Variants in ODAD2 observed in about 807,000 individuals in gnomAD.
ODAD2 encodes the protein outer dynein arm-docking complex subunit 2.
In ODAD2, 89 loss-of-function variants were observed where a neutral mutation model predicts 106.8. The observed-to-expected ratio is 0.83, with a 90% CI of 0.70 to 0.99. ODAD2 has a LOEUF of 0.99. Ranked by LOEUF, ODAD2 falls within the 50% of genes least tolerant of loss-of-function variation. The pLI is 0.00. For synonymous variants in ODAD2, 404 were observed against 436.2 expected (o/e 0.93, Z 0.92); for missense variants, 1,168 against 1,238.5 (o/e 0.94, Z 0.85).
At chr10:27,997,976 C>T (rs1850656119) in intron 1 of ODAD2, among the ~76,000 whole-genome samples, 1 of 152,196 alleles carries the variant, frequency 6.6e-6, no homozygotes, top group Admixed American at 6.5e-5. Context: ...CTGGGAATCA[C>T]TTAGCACTCA....
intron 17 of ODAD2, among the ~76,000 whole-genome samples, chr10:27,881,672 C>T (rs1841718674): frequency 1.3e-5 from 2 of 151,992 alleles, no homozygotes; most frequent in South Asian, 2.1e-4. Flanking sequence ...GGCAAAAATA[C>T]ATCCTTGACT....
In ODAD2 at chr10:27,828,258, C is replaced by A. The variant is rs1837219637; in HGVS notation, c.3022-15633G>T. 3.9e-5 allele frequency among the ~76,000 whole-genome samples: 6 copies of A among 152,302 alleles called. No individual in the cohort carries two copies. In the South Asian group the frequency reaches 1.2e-3, roughly 32 times the overall value. Reference sequence around the variant, plus strand: ...CAAGGAGGCTCTTGAGAGAATGCTACTTCCCTGATATGATGATTTCCCCAG... The same window carrying A: ...CAAGGAGGCTCTTGAGAGAATGCTAATTCCCTGATATGATGATTTCCCCAG... On this transcript the variant is annotated intron_variant, in intron 19 of 19. Transcript: ENST00000305242.
chr10:27,907,873 G>T (rs2133860540), intron 16 of ODAD2, 96 bp from the exon 17 acceptor site: 4 of 851,432 alleles, frequency 4.7e-6, no homozygotes, highest in South Asian at 1.8e-5. Context: ...TTCTCCTTTT[G>T]ATATTTTGCT....
chr10:27,985,358 C>T, intron 3 of ODAD2, 147 bp from the exon 4 acceptor site: 1 of 656,986 alleles, frequency 1.5e-6, no homozygotes, highest in Non-Finnish European at 2.5e-6. Context: ...TAGAATTCAT[C>T]TCTACGTCTG....
At chr10:27,845,628 A>G (rs1363219374) in intron 19 of ODAD2, among the ~76,000 whole-genome samples, 3 of 152,210 alleles carry the variant, frequency 2.0e-5, no homozygotes. Context: ...CAGACTGACA[A>G]ATTGGATGAA....
Position 27,940,587 on chromosome 10 carries a change from C to T in ODAD2, c.1962G>A (p.Gly654=). The change falls in exon 13 of 20, where the codon GGG becomes GGA. Residue 654 remains glycine (G), a synonymous_variant. Coordinates refer to ENST00000305242, the MANE Select transcript of ODAD2 (RefSeq NM_018076.5). ...CCTCTGATGCACACTCTTGCAATGT[C>T]CCCACCACTGGAATTAGCATGTTTT... ...SHENMLIPVV[G]TLQECASEEN... 2 of 1,614,084 alleles carry T rather than the reference C, an allele frequency of 1.2e-6. No homozygotes were observed. The highest frequency in any genetic ancestry group is 1.3e-5 in the African/African-American group (1 of 75,040).
intron 10 of ODAD2, among the ~76,000 whole-genome samples, chr10:27,959,177 G>C (rs1367102906): frequency 1.7e-5 from 2 of 115,278 alleles, no homozygotes; most frequent in African/African-American, 6.9e-5. Flanking sequence ...GAGAGGAGAG[G>C]GGAGGGGAGT....
intron 10 of ODAD2, among the ~76,000 whole-genome samples, chr10:27,946,547 T>C (rs1320412500): frequency 1.3e-5 from 2 of 152,214 alleles, no homozygotes; most frequent in Non-Finnish European, 2.9e-5. Context: ...TCCTCCCTTC[T>C]AGCTGTTTTG....
At position 27,824,008 on chromosome 10, in the gene ODAD2, C is replaced by T. The variant is rs950309902; in HGVS notation, c.3022-11383G>A. On this transcript the variant is annotated intron_variant, in intron 19 of 19. Coordinates refer to ENST00000305242, the MANE Select transcript of ODAD2 (RefSeq NM_018076.5). ...ACAAAAAATTAGCCGGGCGAGGTGG[C>T]GGGCGCCTGTAGTCCCAGCTACTCG... 4.4e-5 allele frequency among the ~76,000 whole-genome samples: 6 copies of T among 137,814 alleles called. 1 individual carries two copies. Among genetic ancestry groups the T allele is most frequent in the Non-Finnish European group, 9.0e-5 (6 of 66,696 alleles). The allele number at this position is 137,814 out of a possible 152,430, so 90.4% of individuals were successfully genotyped here. A position where few individuals can be genotyped will look rare whatever the true frequency, so the allele number is the denominator to read the frequency against.
chr10:27,996,304 T>C (rs537105170), intron 1 of ODAD2, among the ~76,000 whole-genome samples: 8 of 152,330 alleles, frequency 5.3e-5, no homozygotes, highest in Middle Eastern at 6.8e-3. Flanking sequence ...AGATTAGACT[T>C]GGAGATTTTA....
chr10:27,967,424 T>G lies in ODAD2; in HGVS notation c.1238+1499A>C, dbSNP rs1437562523. On this transcript the variant is annotated intron_variant, in intron 9 of 19. Transcript: ENST00000305242. ...TGTCCGGCTGGTATCAGCAGAGGCATAGGTGGAGCATGAACTCCCACTACC... is the reference window on the plus strand; with the variant it reads ...TGTCCGGCTGGTATCAGCAGAGGCAGAGGTGGAGCATGAACTCCCACTACC... Among the ~76,000 whole-genome samples the G allele has an allele frequency of 3.3e-5, 5 of 152,328 alleles. No individual in the cohort carries two copies. In the East Asian group the frequency reaches 9.6e-4, roughly 29 times the overall value.
intron 16 of ODAD2, 112 bp from the exon 17 acceptor site, chr10:27,907,889 T>A (rs1463329403): frequency 1.6e-5 from 3 of 185,462 alleles, no homozygotes; most frequent in South Asian, 1.4e-4. Flanking sequence ...TTGCTTAGAA[T>A]TTTTTTTTTT....
At chr10:27,928,359 T>C (rs1015218395) in intron 16 of ODAD2, among the ~76,000 whole-genome samples, 2 of 152,172 alleles carry the variant, frequency 1.3e-5, no homozygotes, top group African/African-American at 4.8e-5. Context: ...TATCGATTTC[T>C]CTATTTTTAT....
rs779015420 is a variant in ODAD2, at chr10:27,940,758, C to T, written c.1791G>A (p.Ser597=). Residue 597 remains serine (S), a synonymous_variant, in exon 13 of 20, where the codon TCG becomes TCA. Coordinates refer to ENST00000305242, the MANE Select transcript of ODAD2 (RefSeq NM_018076.5). ...CAHDSTKPAQ[S]SLYEARDVEV... is the part of the protein sequence containing the mutation. ...CCACGTCTCTGGCCTCATACAGACTCGATTGGGCAGGTTTTGTGGAATCAT... is the reference window on the plus strand; with the variant it reads ...CCACGTCTCTGGCCTCATACAGACTTGATTGGGCAGGTTTTGTGGAATCAT... The T allele has an allele frequency of 3.4e-5, 55 of 1,613,966 alleles. No individual in the cohort carries two copies. The highest frequency in any genetic ancestry group is 9.3e-5 in the African/African-American group (7 of 74,914).
chr10:27,857,553 A>T (rs1376187674), intron 19 of ODAD2, among the ~76,000 whole-genome samples: 2 of 152,192 alleles, frequency 1.3e-5, no homozygotes, highest in African/African-American at 4.8e-5. Flanking sequence ...CTGCTAGAAA[A>T]TTTAATATTA....
chr10:27,902,835 T>A (rs1038536807), intron 17 of ODAD2, among the ~76,000 whole-genome samples: 23 of 151,958 alleles, frequency 1.5e-4, no homozygotes, highest in African/African-American at 5.5e-4. Context: ...AAGCCCAGGA[T>A]CAGATGGACT....
At chr10:27,945,846 G>A (rs555479763) in intron 10 of ODAD2, among the ~76,000 whole-genome samples, 22 of 151,654 alleles carry the variant, frequency 1.5e-4, no homozygotes, top group Admixed American at 7.9e-4. Context: ...CTAAAGTAGC[G>A]CATCACACAC....
At chr10:27,816,799 A>T (rs564357208) in intron 19 of ODAD2, among the ~76,000 whole-genome samples, 44 of 152,196 alleles carry the variant, frequency 2.9e-4, no homozygotes, top group African/African-American at 9.9e-4. Flanking sequence ...CCCAGGCTGG[A>T]GTGAAGTGGT....
intron 19 of ODAD2, among the ~76,000 whole-genome samples, chr10:27,828,211 G>A (rs1358851049): frequency 6.6e-6 from 1 of 152,216 alleles, no homozygotes; most frequent in Non-Finnish European, 1.5e-5. Flanking sequence ...ACAGTGAGCT[G>A]AAGAGCTAGG....
Sources: gnomAD v4.1 joint callset for allele counts (sites outside exome capture counted in the v4.1 genomes callset) on GRCh38, gnomAD v4.1.1 for gene constraint, MANE v1.5 for transcripts, NCBI Gene and HGNC (gene_info 2026-07-23, HGNC 2026-07-21) for gene names.